Variants in UST observed in about 807,000 individuals in gnomAD.
UST encodes the protein chondroitin sulfate 2-O-sulfotransferase.
A neutral mutation model predicts 45.6 loss-of-function variants in UST; 21 were observed. The observed-to-expected ratio is 0.46, with a 90% confidence interval of 0.33 to 0.66. The LOEUF is 0.66. Ranked by LOEUF, UST falls within the 30% of genes least tolerant of loss-of-function variation. The pLI, the probability that UST is intolerant of heterozygous loss-of-function variation, is 0.02. For synonymous variants in UST, 215 were observed against 200.6 expected (o/e 1.07, Z -0.61); for missense variants, 463 against 512.4 (o/e 0.90, Z 0.93).
In UST at chr6:148,747,118, G is replaced by A. The variant is rs1236791388; in HGVS notation, c.-313G>A. 1.3e-5 allele frequency among the ~76,000 whole-genome samples: 2 copies of A among 150,518 alleles called. No homozygotes were observed. Among genetic ancestry groups the A allele is most frequent in the African/African-American group, 4.8e-5 (2 of 41,276 alleles). On this transcript the variant is annotated 5_prime_UTR_variant, in exon 1 of 8. Coordinates refer to ENST00000367463, the MANE Select transcript of UST (RefSeq NM_005715.3). ...CTGGCGCTGGAGGCGAGCCCCGGCG[G>A]CCGCAAGCGAGCCCGAGGCGCGGCG... is the stretch of plus-strand genomic sequence containing the variant.
At chr6:149,064,635 A>C (rs1776707285) in intron 7 of UST, among the ~76,000 whole-genome samples, 1 of 152,112 alleles carries the variant, frequency 6.6e-6, no homozygotes, top group Admixed American at 6.5e-5. Context: ...AGAAGCACTT[A>C]CTCTCTAGGT....
At chr6:149,068,407 T>C (rs1207241956) in intron 7 of UST, among the ~76,000 whole-genome samples, 1 of 152,210 alleles carries the variant, frequency 6.6e-6, no homozygotes, top group Non-Finnish European at 1.5e-5. Flanking sequence ...TTGTGAGGAT[T>C]AAGTATGATT....
intron 1 of UST, among the ~76,000 whole-genome samples, chr6:148,784,470 A>C (rs1316153175): frequency 1.3e-5 from 2 of 152,250 alleles, no homozygotes; most frequent in Non-Finnish European, 2.9e-5. Flanking sequence ...CCAGTGAGTG[A>C]GCTGTGTACC....
Position 149,076,416 on chromosome 6 carries a change from T to C in UST, c.*2300T>C, listed in dbSNP as rs184893437. On this transcript the variant is annotated 3_prime_UTR_variant, in exon 8 of 8. Transcript: ENST00000367463. ...GGTCGTTCAAAAACATTCATCCTCTTACTGCAAGTTTATCTGGGTACTTTT... is the reference window on the plus strand; with the variant it reads ...GGTCGTTCAAAAACATTCATCCTCTCACTGCAAGTTTATCTGGGTACTTTT... 5 of 152,368 alleles carry C rather than the reference T, an allele frequency of 3.3e-5. No homozygotes were observed. The highest frequency in any genetic ancestry group is 5.9e-5 in the Non-Finnish European group (4 of 68,032). 9.4% of individuals were successfully genotyped at this position (152,368 alleles called of 1,614,324 possible). A position where few individuals can be genotyped will look rare whatever the true frequency, so the allele number is the denominator to read the frequency against.
intron 5 of UST, among the ~76,000 whole-genome samples, chr6:148,993,318 T>C (rs1185116942): frequency 6.6e-6 from 1 of 152,134 alleles, no homozygotes; most frequent in African/African-American, 2.4e-5. Flanking sequence ...ATCTGCATAA[T>C]AGTCTAGTAC....
chr6:149,021,852 G>A (rs543493533), intron 7 of UST, among the ~76,000 whole-genome samples: 2 of 152,324 alleles, frequency 1.3e-5, no homozygotes, highest in South Asian at 4.1e-4. Flanking sequence ...GAATCCGTGT[G>A]TGTGCACCTG....
intron 1 of UST, among the ~76,000 whole-genome samples, chr6:148,829,089 G>A (rs1193679786): frequency 6.6e-6 from 1 of 152,192 alleles, no homozygotes; most frequent in African/African-American, 2.4e-5. Context: ...ATGTGCTCCA[G>A]ATCTAGCTGA....
chr6:148,964,631 G>T (rs1780743414), intron 5 of UST, 68 bp downstream of exon 5: 2 of 1,587,392 alleles, frequency 1.3e-6, no homozygotes, highest in Non-Finnish European at 1.7e-6. Flanking sequence ...ACCAGGGAAG[G>T]TTCACTCTTC....
intron 2 of UST, among the ~76,000 whole-genome samples, chr6:148,906,458 T>G (rs1779362618): frequency 6.6e-6 from 1 of 152,236 alleles, no homozygotes; most frequent in Non-Finnish European, 1.5e-5. Context: ...TTGTCATCTG[T>G]GCACTTAATG....
At position 148,764,286 on chromosome 6, in the gene UST, C is replaced by G. The variant is rs1047327953; in HGVS notation, c.247+16609C>G. Among the ~76,000 whole-genome samples the G allele has an allele frequency of 7.2e-5, 11 of 152,170 alleles. No individual in the cohort carries two copies. The East Asian group carries it at 2.1e-3, about 29-fold the overall frequency. ...ATGATATTGAGTTCTTGATTTGGCT[C>G]TCAGCTTGAACATTATTGGTGTATA... On this transcript the variant is annotated intron_variant, in intron 1 of 7. Coordinates refer to ENST00000367463, the MANE Select transcript of UST (RefSeq NM_005715.3).
chr6:148,872,779 G>A (rs748671278), intron 1 of UST, among the ~76,000 whole-genome samples: 3 of 152,192 alleles, frequency 2.0e-5, no homozygotes, highest in Admixed American at 6.5e-5. Context: ...TCCCTGACTC[G>A]TGGCCCCTTC....
chr6:148,970,550 C>T (rs373027670), intron 5 of UST, among the ~76,000 whole-genome samples: 237 of 152,228 alleles, frequency 1.6e-3, no homozygotes, highest in East Asian at 3.1e-3. Context: ...TCAGGAGCCA[C>T]GGGGCAGGAG....
rs112496209 is a variant in UST at position 148,849,184 on chromosome 6, A to G, written c.248-37802A>G. ...CCAGTCTCCTCTGAAAACACTCTCA[A>G]GGACACACAGGAAGCAATGCTTCAC... On this transcript the variant is annotated intron_variant, in intron 1 of 7. Coordinates refer to ENST00000367463, the MANE Select transcript of UST (RefSeq NM_005715.3). 9.2e-3 allele frequency among the ~76,000 whole-genome samples: 1,405 copies of G among 152,276 alleles called. 23 individuals carry two copies. The highest frequency in any genetic ancestry group is 0.033 in the African/African-American group (1,354 of 41,546).
chr6:148,988,227 G>T lies in UST; in HGVS notation c.681+23664G>T, dbSNP rs1781271126. ...GTAGCAAGAACTGAAACTTGACATT[G>T]AACAGTTAGGCAGAGCCTGCATCAT... On this transcript the variant is annotated intron_variant, in intron 5 of 7. Transcript: ENST00000367463. Among the ~76,000 whole-genome samples the T allele has an allele frequency of 9.2e-5, 14 of 152,214 alleles. No homozygotes were observed. The South Asian group carries it at 2.9e-3, about 32-fold the overall frequency.
In UST at chr6:149,075,314, A is replaced by T. The variant is rs1776876135; in HGVS notation, c.*1198A>T. 1 of 152,196 alleles carries T rather than the reference A, an allele frequency of 6.6e-6. No individual in the cohort carries two copies. Among genetic ancestry groups the T allele is most frequent in the Non-Finnish European group, 1.5e-5 (1 of 68,064 alleles). The allele number at this position is 152,196 out of a possible 1,614,324, so 9.4% of individuals were successfully genotyped here. A position where few individuals can be genotyped will look rare whatever the true frequency, so the allele number is the denominator to read the frequency against. On this transcript the variant is annotated 3_prime_UTR_variant, in exon 8 of 8. Coordinates refer to ENST00000367463, the MANE Select transcript of UST (RefSeq NM_005715.3). ...CCCTAAGAGGTACCTGTTTTCAGTA[A>T]AAAGGGGTCCTGAGTTCTGTGCAGG...
At chr6:148,969,355 T>G (rs1780867843) in intron 5 of UST, among the ~76,000 whole-genome samples, 1 of 152,230 alleles carries the variant, frequency 6.6e-6, no homozygotes, top group Admixed American at 6.5e-5. Flanking sequence ...ACGCTCTTGG[T>G]CTTCAACTAG....
intron 1 of UST, among the ~76,000 whole-genome samples, chr6:148,866,045 A>G (rs1488598127): frequency 1.3e-5 from 2 of 152,052 alleles, no homozygotes; most frequent in African/African-American, 4.8e-5. Context: ...ATATATATAT[A>G]CAAATACATA....
chr6:148,753,264 C>T (rs189440026), intron 1 of UST, among the ~76,000 whole-genome samples: 127 of 152,222 alleles, frequency 8.3e-4, no homozygotes, highest in Admixed American at 1.7e-3. Flanking sequence ...CAAGGAGAAA[C>T]GCCATACCCT....
intron 2 of UST, among the ~76,000 whole-genome samples, chr6:148,937,373 C>T (rs1017851): frequency 0.58 from 87,857 of 152,000 alleles, 25,825 homozygotes; most frequent in African/African-American, 0.68. Flanking sequence ...GCAGAAATGA[C>T]ACAGGATGTT....
Sources: allele counts gnomAD v4.1 joint callset (sites outside exome capture counted in the v4.1 genomes callset), GRCh38; gene constraint gnomAD v4.1.1; transcripts MANE v1.5; gene names NCBI Gene and HGNC (gene_info 2026-07-23, HGNC 2026-07-21).